RABGAP1L: variants seen among roughly 807,000 people sequenced by gnomAD.
RABGAP1L encodes the protein RAB GTPase activating protein 1 like, also known as rab GTPase-activating protein 1-like.
Under a neutral mutation model 137.7 loss-of-function variants are expected in RABGAP1L, and 63 were observed. The observed-to-expected ratio is 0.46, with a 90% CI of 0.37 to 0.56. The LOEUF (loss-of-function observed/expected upper bound fraction) is 0.56, where lower values mean the gene tolerates loss of function less well. Ranked by LOEUF, RABGAP1L falls within the 20% of genes least tolerant of loss-of-function variation. RABGAP1L has a pLI of 0.00. For synonymous variants in RABGAP1L, 431 were observed against 433.7 expected (o/e 0.99, Z 0.08); for missense variants, 1,095 against 1,244.0 (o/e 0.88, Z 1.80).
intron 19 of RABGAP1L, among the ~76,000 whole-genome samples, chr1:174,847,482 T>G (rs1187052128): frequency 1.3e-5 from 2 of 150,544 alleles, no homozygotes; most frequent in Non-Finnish European, 3.0e-5. Context: ...CTCCTTCACT[T>G]TTGAAGCTTA....
intron 17 of RABGAP1L, among the ~76,000 whole-genome samples, chr1:174,748,205 G>A (rs1298818171): frequency 4.6e-5 from 7 of 152,106 alleles, no homozygotes; most frequent in Non-Finnish European, 1.0e-4. Flanking sequence ...TTGAAGAAAG[G>A]GGTTCTTACT....
chr1:174,534,398 A>C (rs899917845), intron 13 of RABGAP1L, among the ~76,000 whole-genome samples: 1 of 151,990 alleles, frequency 6.6e-6, no homozygotes, highest in Non-Finnish European at 1.5e-5. Flanking sequence ...TCCTGTATAC[A>C]TTTTCCTATA....
At chr1:174,484,753 G>A (rs1659467768) in intron 13 of RABGAP1L, among the ~76,000 whole-genome samples, 1 of 152,058 alleles carries the variant, frequency 6.6e-6, no homozygotes, top group Non-Finnish European at 1.5e-5. Flanking sequence ...TTTTGGTTAT[G>A]TAGCTCTGTC....
intron 19 of RABGAP1L, chr1:174,954,245 G>A (rs1295386577): frequency 6.6e-6 from 1 of 152,070 alleles, no homozygotes; most frequent in Non-Finnish European, 1.5e-5. Context: ...AATCACACAG[G>A]TGGATGCTCA....
chr1:174,291,879 G>A (rs970453191), intron 10 of RABGAP1L, among the ~76,000 whole-genome samples: 1 of 151,318 alleles, frequency 6.6e-6, no homozygotes, highest in African/African-American at 2.4e-5. Context: ...TCCCTCCAAA[G>A]AGCCAGATTT....
intron 1 of RABGAP1L, among the ~76,000 whole-genome samples, chr1:174,180,896 A>T (rs889294996): frequency 2.6e-5 from 4 of 152,118 alleles, no homozygotes; most frequent in African/African-American, 9.7e-5. Context: ...TTATTAAAAC[A>T]CTCTGTGCCT....
chr1:174,203,271 C>T (rs535561732), intron 1 of RABGAP1L, among the ~76,000 whole-genome samples: 1 of 152,054 alleles, frequency 6.6e-6, no homozygotes, highest in South Asian at 2.1e-4. Flanking sequence ...GAGTCTTTTC[C>T]CCATTGCTCA....
At chr1:174,842,680 C>A (rs746742325) in intron 19 of RABGAP1L, among the ~76,000 whole-genome samples, 1 of 152,154 alleles carries the variant, frequency 6.6e-6, no homozygotes, top group Admixed American at 6.5e-5. Context: ...TACTCAAGAT[C>A]CTAGTGCTGG....
At position 174,355,627 on chromosome 1, in the gene RABGAP1L, TA is replaced by T. The variant is rs935629907; in HGVS notation, c.1466-15342del. Among the ~76,000 whole-genome samples the T allele has an allele frequency of 4.7e-5, 7 of 148,792 alleles. No individual in the cohort carries two copies. The South Asian group carries it at 8.6e-4, about 18-fold the overall frequency. On this transcript the variant is annotated intron_variant, in intron 11 of 25. Coordinates refer to ENST00000681986, the MANE Select transcript of RABGAP1L (RefSeq NM_001366446.1). The stretch of plus-strand genomic sequence containing the variant: ...TTAAAAGTATAATAATAATAAAATT[TA>T]AAAAAAAAAGAAAGCATTTTCCTTA...
At chr1:174,954,486 A>T (rs560539989) in intron 19 of RABGAP1L, among the ~76,000 whole-genome samples, 1 of 152,348 alleles carries the variant, frequency 6.6e-6, no homozygotes, top group African/African-American at 2.4e-5. Context: ...AAGGACATGT[A>T]AAAATATCCC....
At chr1:174,542,530 T>C (rs927571494) in intron 13 of RABGAP1L, among the ~76,000 whole-genome samples, 4 of 152,172 alleles carry the variant, frequency 2.6e-5, no homozygotes, top group Non-Finnish European at 4.4e-5. Context: ...TTTGTTGATC[T>C]TTTCAAAAAA....
chr1:174,515,967 TAGG>T (rs1662795255), intron 13 of RABGAP1L, among the ~76,000 whole-genome samples: 1 of 152,154 alleles, frequency 6.6e-6, no homozygotes, highest in Non-Finnish European at 1.5e-5. Context: ...TTAATCAAAA[TAGG>T]AGCCAAGCTT....
intron 2 of RABGAP1L, 96 bp from the exon 3 acceptor site, chr1:174,220,876 A>G (rs1368021961): frequency 1.9e-6 from 2 of 1,060,966 alleles, no homozygotes; most frequent in South Asian, 2.3e-5. Context: ...AAATATTTAG[A>G]TTGTTTTAAT....
intron 18 of RABGAP1L, among the ~76,000 whole-genome samples, chr1:174,767,247 A>G (rs1325676374): frequency 6.6e-6 from 1 of 152,210 alleles, no homozygotes; most frequent in Non-Finnish European, 1.5e-5. Context: ...TTGGCTCAGC[A>G]TAAACCTCTT....
intron 4 of RABGAP1L, among the ~76,000 whole-genome samples, chr1:174,240,247 G>C (rs1044863963): frequency 9.2e-5 from 14 of 151,850 alleles, no homozygotes; most frequent in Non-Finnish European, 2.9e-5. Context: ...TTTTGTTTTT[G>C]TGTTTGTTTT....
At chr1:174,161,727 G>A (rs1664474144) in intron 1 of RABGAP1L, among the ~76,000 whole-genome samples, 1 of 151,706 alleles carries the variant, frequency 6.6e-6, no homozygotes, top group African/African-American at 2.4e-5. Context: ...AATAGATGAA[G>A]TTTGTTTGTT....
At chr1:174,408,849 CTTGT>C (rs1349586095) in intron 13 of RABGAP1L, among the ~76,000 whole-genome samples, 3 of 152,002 alleles carry the variant, frequency 2.0e-5, no homozygotes, top group Non-Finnish European at 4.4e-5. Context: ...TTGTTGGCTG[CTTGT>C]TTGTCTTCTT....
intron 18 of RABGAP1L, among the ~76,000 whole-genome samples, chr1:174,781,377 A>G (rs1686991425): frequency 6.6e-6 from 1 of 152,190 alleles, no homozygotes; most frequent in South Asian, 2.1e-4. Context: ...TCTTTTGAGA[A>G]GTGTCTCTTC....
rs527853092 is a variant in RABGAP1L at position 174,992,491 on chromosome 1, T to G, written c.*2490T>G. 2 of 152,182 alleles carry G rather than the reference T, an allele frequency of 1.3e-5. No homozygotes were observed. The highest frequency in any genetic ancestry group is 2.9e-5 in the Non-Finnish European group (2 of 68,028). The allele number at this position is 152,182 out of a possible 1,614,324, so 9.4% of individuals were successfully genotyped here. A position where few individuals can be genotyped will look rare whatever the true frequency, so the allele number is the denominator to read the frequency against. ...CTCTCAAGTTTGATAAGTCCATCTT[T>G]TGAGTTTTCTTTTAGCTCTTTCAAA... On this transcript the variant is annotated 3_prime_UTR_variant, in exon 26 of 26. Coordinates refer to ENST00000681986, the MANE Select transcript of RABGAP1L (RefSeq NM_001366446.1).
Sources: allele counts gnomAD v4.1 joint callset (sites outside exome capture counted in the v4.1 genomes callset), GRCh38; gene constraint gnomAD v4.1.1; transcripts MANE v1.5; gene names NCBI Gene and HGNC (gene_info 2026-07-23, HGNC 2026-07-21).